Variants in ANK3 observed in about 807,000 individuals in gnomAD.
The protein encoded by ANK3 is ankyrin 3.
A neutral mutation model predicts 370.9 loss-of-function variants in ANK3; 57 were observed. The ratio of observed to expected loss-of-function variants is 0.15; its 90% CI spans 0.12 to 0.19. The LOEUF is 0.19. Among genes scored for constraint, ANK3 ranks in the 10% least tolerant of loss-of-function variants. The pLI is 1.00. For synonymous variants in ANK3, 1,929 were observed against 1,946.3 expected, an observed-to-expected ratio of 0.99 and a Z score of 0.23; for missense variants, 4,439 against 5,302.1, an observed-to-expected ratio of 0.84 and a Z score of 5.06.
intron 2 of ANK3, among the ~76,000 whole-genome samples, chr10:60,598,508 G>A (rs922406474): frequency 2.0e-5 from 3 of 152,288 alleles, no homozygotes; most frequent in Admixed American, 1.3e-4. Context: ...CCTTGGAAAT[G>A]TAAAGCAAAG....
chr10:60,052,837 A>G (rs925398419), intron 42 of ANK3, among the ~76,000 whole-genome samples: 1 of 93,016 alleles, frequency 1.1e-5, no homozygotes, highest in Non-Finnish European at 2.3e-5. Context: ...GTATTTGTTT[A>G]AAAAAAAAAA....
chr10:60,714,841 TA>T (rs759066385), intron 1 of ANK3, among the ~76,000 whole-genome samples: 1 of 152,056 alleles, frequency 6.6e-6, no homozygotes, highest in Non-Finnish European at 1.5e-5. Context: ...GAGAGAGGGA[TA>T]AATAAGTGGG....
chr10:60,529,902 A>C (rs1595215510), intron 2 of ANK3, among the ~76,000 whole-genome samples: 2 of 152,314 alleles, frequency 1.3e-5, no homozygotes, highest in East Asian at 3.9e-4. Context: ...ATATTTTTGG[A>C]TATTGAGTGG....
intron 2 of ANK3, among the ~76,000 whole-genome samples, chr10:60,516,455 T>C (rs1282345204): frequency 6.6e-6 from 1 of 152,074 alleles, no homozygotes; most frequent in Non-Finnish European, 1.5e-5. Context: ...TTGGCATCAG[T>C]AGAGCAGCTT....
intron 2 of ANK3, among the ~76,000 whole-genome samples, chr10:60,564,845 T>C (rs561045415): frequency 2.0e-5 from 3 of 152,298 alleles, no homozygotes; most frequent in Admixed American, 2.0e-4. Context: ...ATTCTTAAGA[T>C]GGAAAAGGCA....
intron 2 of ANK3, among the ~76,000 whole-genome samples, chr10:60,611,412 A>G (rs1438093020): frequency 6.6e-6 from 1 of 152,134 alleles, no homozygotes; most frequent in Admixed American, 6.5e-5. Flanking sequence ...CTCCCCACAT[A>G]CAGACCTGCA....
At chr10:60,371,580 C>T (rs1242032963) in intron 1 of ANK3, among the ~76,000 whole-genome samples, 1 of 152,156 alleles carries the variant, frequency 6.6e-6, no homozygotes, top group Non-Finnish European at 1.5e-5. Flanking sequence ...CACTGCACTA[C>T]AACAAATACT....
Position 60,074,415 on chromosome 10 carries a change from C to G in ANK3, c.6466G>C (p.Val2156Leu). The change falls in exon 37 of 44, where the codon GTT (valine) becomes CTT (leucine). Residue 2156 changes from valine to leucine, a missense_variant. Transcript: ENST00000280772. ...TCTGTAATGACAGGAGGGATGGGAA[C>G]TTCATGAAAAAGTGGTTTAGGACCA... is the stretch of plus-strand genomic sequence containing the variant. ...STGPKPLFHE[V>L]PIPPVITETR... is the part of the protein sequence containing the mutation. The G allele has an allele frequency of 1.2e-6, 2 of 1,614,080 alleles. No individual in the cohort carries two copies. Among genetic ancestry groups the G allele is most frequent in the Non-Finnish European group, 1.7e-6 (2 of 1,179,988 alleles).
chr10:60,410,143 G>A (rs2063530375), intron 2 of ANK3, among the ~76,000 whole-genome samples: 2 of 152,074 alleles, frequency 1.3e-5, no homozygotes, highest in African/African-American at 4.8e-5. Flanking sequence ...CAAAGTAGTA[G>A]GCAGGCCAGG....
intron 1 of ANK3, among the ~76,000 whole-genome samples, chr10:60,294,458 G>T (rs2042095977): frequency 6.6e-6 from 1 of 152,164 alleles, no homozygotes; most frequent in Non-Finnish European, 1.5e-5. Flanking sequence ...CTGGAGCCTT[G>T]CTAGAATTGT....
intron 2 of ANK3, among the ~76,000 whole-genome samples, chr10:60,425,078 T>C (rs1045687743): frequency 2.6e-5 from 4 of 151,890 alleles, no homozygotes; most frequent in Non-Finnish European, 4.4e-5. Context: ...CTTGTGGAAA[T>C]TCAAGTAAGG....
chr10:60,150,492 CATGGTTTG>C (rs1324101413), intron 23 of ANK3, among the ~76,000 whole-genome samples: 4 of 152,150 alleles, frequency 2.6e-5, no homozygotes, highest in Admixed American at 6.5e-5. Flanking sequence ...TGGCACCTGA[CATGGTTTG>C]GATGTCTGTG....
chr10:60,128,530 C>T (rs2093894893), intron 25 of ANK3, among the ~76,000 whole-genome samples: 1 of 152,016 alleles, frequency 6.6e-6, no homozygotes, highest in African/African-American at 2.4e-5. Context: ...CAGGCGTGCA[C>T]CACTACCACT....
At chr10:60,626,784 A>G (rs1441281448) in intron 1 of ANK3, among the ~76,000 whole-genome samples, 1 of 152,178 alleles carries the variant, frequency 6.6e-6, no homozygotes, top group African/African-American at 2.4e-5. Flanking sequence ...AGAGTTGGAC[A>G]GGGTTAACAG....
intron 2 of ANK3, among the ~76,000 whole-genome samples, chr10:60,509,511 T>A (rs950040197): frequency 6.6e-6 from 1 of 152,118 alleles, no homozygotes; most frequent in South Asian, 2.1e-4. Flanking sequence ...GGGATTCATA[T>A]AATGTCTGTA....
chr10:60,397,295 T>G (rs1437403977), intron 2 of ANK3, among the ~76,000 whole-genome samples: 2 of 152,178 alleles, frequency 1.3e-5, no homozygotes, highest in Non-Finnish European at 2.9e-5. Flanking sequence ...TTTAGCATAT[T>G]GTGGAACATA....
chr10:60,630,675 A>T (rs888008486), intron 1 of ANK3, among the ~76,000 whole-genome samples: 5 of 152,184 alleles, frequency 3.3e-5, no homozygotes, highest in Non-Finnish European at 7.3e-5. Flanking sequence ...ATGGACAGCC[A>T]GGCAGCAGGA....
At chr10:60,296,270 C>T (rs1184577149) in intron 1 of ANK3, among the ~76,000 whole-genome samples, 1 of 152,152 alleles carries the variant, frequency 6.6e-6, no homozygotes, top group African/African-American at 2.4e-5. Context: ...ATAGGATGTC[C>T]ACTTAAGGTC....
At chr10:60,396,100 C>T (rs745908495) in intron 2 of ANK3, among the ~76,000 whole-genome samples, 23 of 152,000 alleles carry the variant, frequency 1.5e-4, no homozygotes, top group Non-Finnish European at 2.8e-4. Context: ...GGAATGAAGC[C>T]GATAAGATCC....
Sources: allele counts gnomAD v4.1 joint callset (sites outside exome capture counted in the v4.1 genomes callset), GRCh38; gene constraint gnomAD v4.1.1; transcripts MANE v1.5; gene names NCBI Gene and HGNC (gene_info 2026-07-23, HGNC 2026-07-21).